Variants in MARK3 observed in about 807,000 individuals in gnomAD.
MARK3 encodes MAP/microtubule affinity-regulating kinase 3.
Under a neutral mutation model 90.1 loss-of-function variants are expected in MARK3, and 46 were observed. The ratio of observed to expected loss-of-function variants is 0.51; its 90% CI spans 0.40 to 0.65. MARK3 has a LOEUF of 0.65. MARK3 is among the 30% of genes least tolerant of loss of function. The probability of loss-of-function intolerance (pLI) is 0.00; values close to 1 mark genes in which losing one functional copy is unlikely to be tolerated. For missense variants in MARK3, 818 were observed against 947.2 expected, an observed-to-expected ratio of 0.86 and a Z score of 1.79; for synonymous variants, 321 against 332.6, an observed-to-expected ratio of 0.97 and a Z score of 0.38.
intron 4 of MARK3, among the ~76,000 whole-genome samples, chr14:103,450,957 G>T (rs544810811): frequency 1.3e-3 from 151 of 120,500 alleles, no homozygotes; most frequent in South Asian, 2.7e-3. Context: ...TTGAGACAGG[G>T]TCTAGCTCTG....
intron 3 of MARK3, among the ~76,000 whole-genome samples, chr14:103,432,877 A>G (rs990692002): frequency 1.3e-5 from 2 of 152,072 alleles, no homozygotes; most frequent in African/African-American, 4.8e-5. Flanking sequence ...GAAGCAAAGA[A>G]CAAAGAGTGT....
intron 15 of MARK3, among the ~76,000 whole-genome samples, chr14:103,495,534 T>A (rs1178897414): frequency 2.6e-5 from 4 of 152,128 alleles, no homozygotes; most frequent in Admixed American, 6.6e-5. Context: ...ACTCTGCCCT[T>A]TTAGCCACTA....
At chr14:103,442,458 A>G (rs1184261916) in intron 3 of MARK3, among the ~76,000 whole-genome samples, 1 of 152,040 alleles carries the variant, frequency 6.6e-6, no homozygotes, top group Admixed American at 6.6e-5. Flanking sequence ...GTGTGCTAGG[A>G]TATTATCGTC....
chr14:103,487,050 A>G (rs1170563882), intron 14 of MARK3, among the ~76,000 whole-genome samples: 1 of 151,690 alleles, frequency 6.6e-6, no homozygotes, highest in Non-Finnish European at 1.5e-5. Flanking sequence ...CTGAGTAGCT[A>G]GGATTACAGG....
chr14:103,425,585 G>A (rs976953798), intron 2 of MARK3, among the ~76,000 whole-genome samples: 8 of 152,148 alleles, frequency 5.3e-5, no homozygotes, highest in African/African-American at 1.9e-4. Context: ...TACTCCTTAT[G>A]TGCCAGTTAG....
At chr14:103,440,631 T>G (rs1406753930) in intron 3 of MARK3, among the ~76,000 whole-genome samples, 2 of 152,044 alleles carry the variant, frequency 1.3e-5, no homozygotes, top group Non-Finnish European at 2.9e-5. Context: ...ATCAATTTGG[T>G]AAATATAAAA....
intron 4 of MARK3, among the ~76,000 whole-genome samples, chr14:103,451,196 G>T (rs1256208308): frequency 6.6e-6 from 1 of 151,920 alleles, no homozygotes; most frequent in Non-Finnish European, 1.5e-5. Flanking sequence ...GCCTCCCAAA[G>T]TGCTGGGATT....
chr14:103,389,612 C>T (rs2090084400), intron 1 of MARK3, among the ~76,000 whole-genome samples: 1 of 145,862 alleles, frequency 6.9e-6, no homozygotes, highest in Admixed American at 7.0e-5. Context: ...GTTTGATTTC[C>T]AAATATTAAT....
At chr14:103,467,492 C>A in intron 11 of MARK3, 1 of 187,216 alleles carries the variant, frequency 5.3e-6, no homozygotes, top group Non-Finnish European at 1.1e-5. Context: ...TAGGGAAACT[C>A]TGTCTCTGCT....
rs147424967 is a variant in MARK3 at position 103,463,929 on chromosome 14, A to G, written c.540+1468A>G. Among the ~76,000 whole-genome samples the G allele has an allele frequency of 4.0e-3, 606 of 152,206 alleles. 2 individuals are homozygous for G. Among genetic ancestry groups the G allele is most frequent in the Middle Eastern group, 0.01 (3 of 294 alleles). The stretch of plus-strand genomic sequence containing the variant: ...TCTCTATCTCACATACTGTCTTTCA[A>G]TTTCTTGTGTGAAACATACTGTGTC... On this transcript the variant is annotated intron_variant, in intron 7 of 17. Transcript: ENST00000429436.
Position 103,475,000 on chromosome 14 carries a change from A to G in MARK3, c.1272A>G (p.Pro424=). ...ATGAACTCTTTATTTTAGCTGGACCAGCTATTCCTTCTGTTGTGGCGTATC... is the reference window on the plus strand; with the variant it reads ...ATGAACTCTTTATTTTAGCTGGACCGGCTATTCCTTCTGTTGTGGCGTATC... ...KQRRYSDHAG[P]AIPSVVAYPK... is the part of the protein sequence containing the mutation. Residue 424 remains proline, a synonymous_variant, in exon 13 of 18, where the codon CCA becomes CCG. Transcript: ENST00000429436. 6.2e-7 allele frequency: 1 copy of G among 1,611,762 alleles called. No homozygotes were observed. The highest frequency in any genetic ancestry group is 8.5e-7 in the Non-Finnish European group (1 of 1,177,888).
chr14:103,486,042 C>T (rs1256322227), intron 14 of MARK3, among the ~76,000 whole-genome samples: 1 of 152,180 alleles, frequency 6.6e-6, no homozygotes, highest in Non-Finnish European at 1.5e-5. Context: ...ACCATGTAAT[C>T]CCAGCACTTT....
chr14:103,473,192 G>A (rs1268400654), intron 12 of MARK3, among the ~76,000 whole-genome samples: 2 of 152,196 alleles, frequency 1.3e-5, no homozygotes, highest in African/African-American at 4.8e-5. Flanking sequence ...AAAAGGGAGA[G>A]TAAGAGGGAA....
chr14:103,442,754 T>G (rs1010185824), intron 3 of MARK3, among the ~76,000 whole-genome samples: 5 of 152,120 alleles, frequency 3.3e-5, no homozygotes, highest in Non-Finnish European at 7.3e-5. Flanking sequence ...TCCGGGAAAT[T>G]TGTAGCCTTA....
chr14:103,440,277 C>T (rs1345578753), intron 3 of MARK3, among the ~76,000 whole-genome samples: 3 of 152,220 alleles, frequency 2.0e-5, no homozygotes, highest in Non-Finnish European at 2.9e-5. Context: ...GAATTGTCCT[C>T]TGTGTGTCCT....
intron 2 of MARK3, among the ~76,000 whole-genome samples, chr14:103,420,266 T>C (rs187665313): frequency 1.3e-5 from 2 of 152,264 alleles, no homozygotes; most frequent in African/African-American, 4.8e-5. Flanking sequence ...TCTTGCTCTG[T>C]CGCCCAGCCT....
chr14:103,411,662 C>T (rs143643761), intron 2 of MARK3, among the ~76,000 whole-genome samples: 184 of 151,684 alleles, frequency 1.2e-3, no homozygotes, highest in African/African-American at 4.1e-3. Flanking sequence ...CTCGCTCTGT[C>T]GCTAGGCTGG....
At chr14:103,461,812 G>A (rs2093406244) in intron 6 of MARK3, among the ~76,000 whole-genome samples, 2 of 152,064 alleles carry the variant, frequency 1.3e-5, no homozygotes, top group Admixed American at 1.3e-4. Context: ...TGAGACTGGC[G>A]GATCACCTGA....
At chr14:103,439,903 G>T (rs1045864017) in intron 3 of MARK3, among the ~76,000 whole-genome samples, 3 of 151,716 alleles carry the variant, frequency 2.0e-5, no homozygotes, top group Admixed American at 2.0e-4. Flanking sequence ...TCCTGCCTCA[G>T]CTTCCAAAGT....
Sources: allele counts gnomAD v4.1 joint callset (sites outside exome capture counted in the v4.1 genomes callset), GRCh38; gene constraint gnomAD v4.1.1; transcripts MANE v1.5; gene names NCBI Gene and HGNC (gene_info 2026-07-23, HGNC 2026-07-21).